SCNN1A: variants seen among roughly 807,000 people sequenced by gnomAD.
SCNN1A encodes the protein epithelial sodium channel subunit alpha.
In SCNN1A, 65 loss-of-function variants were observed where a neutral mutation model predicts 68.6. The ratio of observed to expected loss-of-function variants is 0.95; its 90% CI spans 0.78 to 1.16. SCNN1A has a LOEUF of 1.16. SCNN1A is among the 50% of genes most tolerant of loss of function. The pLI is 0.00. For missense variants in SCNN1A, 880 were observed against 865.9 expected, an observed-to-expected ratio of 1.02 and a Z score of -0.20; for synonymous variants, 357 against 353.3, an observed-to-expected ratio of 1.01 and a Z score of -0.12.
upstream of SCNN1A, chr12:6,376,270 C>G (rs3759323): frequency 2.4e-6 from 2 of 837,310 alleles, no homozygotes; most frequent in Non-Finnish European, 2.9e-6. Context: ...CCAACCTTGT[C>G]CAGACCCGGG....
At position 6,348,017 on chromosome 12, in the gene SCNN1A, C is replaced by T. The variant is rs772108915; in HGVS notation, c.1866G>A (p.Met622Ile). 1.1e-5 allele frequency: 18 copies of T among 1,595,560 alleles called. No homozygotes were observed. Among genetic ancestry groups the T allele is most frequent in the African/African-American group, 5.4e-5 (4 of 74,364 alleles). The change falls in exon 13 of 13, where the codon ATG becomes ATA. Residue 622 changes from methionine to isoleucine, a missense_variant. By Grantham distance (10) the Met-to-Ile change is conservative. This residue lies in a region of SCNN1A where 758 missense variants were observed against 721.8 expected (regional missense o/e 1.05). Coordinates refer to ENST00000228916, the MANE Select transcript of SCNN1A (RefSeq NM_001038.6). ...GGCCTGGCTGGGACAAGGACAGAGA[C>T]ATGGGGTGGGGGCAGAAGTGGGAAG... ...SPPSHFCPHP[M>I]SLSLSQPGPA...
chr12:6,363,847 G>T, intron 2 of SCNN1A, 137 bp from the exon 3 acceptor site: 1 of 734,256 alleles, frequency 1.4e-6, no homozygotes, highest in Non-Finnish European at 2.1e-6. Flanking sequence ...GGGTCGTCGT[G>T]GCGCCTCCTG....
intron 3 of SCNN1A, 98 bp downstream of exon 3, chr12:6,363,345 G>T: frequency 2.7e-6 from 3 of 1,101,264 alleles, no homozygotes; most frequent in South Asian, 3.8e-5. Context: ...GTGTCACTGG[G>T]CTGCGCGGGC....
At chr12:6,349,747 G>C (rs79074228) in intron 8 of SCNN1A, 1 of 257,406 alleles carries the variant, frequency 3.9e-6, no homozygotes, top group Admixed American at 4.9e-5. Context: ...TTTTTTTTTA[G>C]ACGGAGTTTC....
chr12:6,350,237 C>T (rs1948358148), intron 8 of SCNN1A, among the ~76,000 whole-genome samples: 1 of 146,280 alleles, frequency 6.8e-6, no homozygotes, highest in African/African-American at 2.5e-5. Flanking sequence ...TCGAGACCAT[C>T]CTGGCTAACA....
rs1213282712 is a variant in SCNN1A at position 6,349,241 on chromosome 12, C to G, written c.1440-20G>C. On this transcript the variant is annotated intron_variant, in intron 9 of 12. Coordinates refer to ENST00000228916, the MANE Select transcript of SCNN1A (RefSeq NM_001038.6). ...GTCACGCTGGGGATGGAGAAAGGTG[C>G]TCAGTGTTGGGGCAGAGCTCTCCCA... is the stretch of plus-strand genomic sequence containing the variant. 4 of 1,614,062 alleles carry G rather than the reference C, an allele frequency of 2.5e-6. No homozygotes were observed.
chr12:6,349,755 T>C (rs1022520860), intron 8 of SCNN1A: 7 of 256,758 alleles, frequency 2.7e-5, no homozygotes, highest in Admixed American at 4.9e-5. Context: ...TAGACGGAGT[T>C]TCGCTCTGTT....
chr12:6,364,791 G>A (rs907731742), intron 2 of SCNN1A, among the ~76,000 whole-genome samples: 9 of 151,740 alleles, frequency 5.9e-5, no homozygotes, highest in African/African-American at 1.9e-4. Flanking sequence ...TTGCATTTCC[G>A]TCTCAAAAAG....
At chr12:6,350,304 C>T (rs1592061191) in intron 8 of SCNN1A, among the ~76,000 whole-genome samples, 1 of 151,034 alleles carries the variant, frequency 6.6e-6, no homozygotes, top group South Asian at 2.1e-4. Context: ...TGGTGGCGGG[C>T]GCCTGTAGTC....
At chr12:6,350,075 CA>C in intron 8 of SCNN1A, 1 of 166,320 alleles carries the variant, frequency 6.0e-6, no homozygotes, top group South Asian at 1.2e-4. Context: ...AGGCGAAAAA[CA>C]AAACAGGATA....
At chr12:6,353,013 C>T (rs1948415817) in intron 8 of SCNN1A, among the ~76,000 whole-genome samples, 1 of 152,230 alleles carries the variant, frequency 6.6e-6, no homozygotes, top group South Asian at 2.1e-4. Flanking sequence ...AACAGGCCAG[C>T]TGTGCCAGGG....
intron 2 of SCNN1A, among the ~76,000 whole-genome samples, chr12:6,367,644 G>A (rs1948702906): frequency 6.6e-6 from 1 of 152,220 alleles, no homozygotes; most frequent in Admixed American, 6.5e-5. Flanking sequence ...TGGAAAGGGG[G>A]CACCGGGTAA....
At chr12:6,352,586 T>C (rs1442731507) in intron 8 of SCNN1A, among the ~76,000 whole-genome samples, 2 of 152,158 alleles carry the variant, frequency 1.3e-5, no homozygotes, top group Non-Finnish European at 2.9e-5. Context: ...AAATCACAGG[T>C]GGCATCTCCT....
rs1011154781 is a variant in SCNN1A, at chr12:6,354,337, G to A, written c.1360+101C>T. The A allele has an allele frequency of 1.4e-4, 110 of 791,308 alleles. 1 individual carries two copies. Among genetic ancestry groups the A allele is most frequent in the Non-Finnish European group, 2.2e-4 (96 of 437,566 alleles). 49.0% of individuals were successfully genotyped at this position (791,308 alleles called of 1,614,324 possible). ...AAGGAAGGATTCATCCCAGCAGGTGGGAGCCAGAAGTCATCCCCACAAACA... is the reference window on the plus strand; with the variant it reads ...AAGGAAGGATTCATCCCAGCAGGTGAGAGCCAGAAGTCATCCCCACAAACA... On this transcript the variant is annotated intron_variant, in intron 8 of 12. Transcript: ENST00000228916.
At chr12:6,354,249 A>G (rs1012844524) in intron 8 of SCNN1A, among the ~76,000 whole-genome samples, 189 bp downstream of exon 8, 1 of 152,032 alleles carries the variant, frequency 6.6e-6, no homozygotes, top group African/African-American at 2.4e-5. Context: ...AGAAAAAAAG[A>G]GAGAGAGACT....
chr12:6,369,165 T>C (rs1161259159), intron 2 of SCNN1A, among the ~76,000 whole-genome samples: 1 of 151,906 alleles, frequency 6.6e-6, no homozygotes, highest in Non-Finnish European at 1.5e-5. Context: ...CTCTCTCTCA[T>C]CACCAACTTC....
intron 2 of SCNN1A, among the ~76,000 whole-genome samples, chr12:6,369,088 C>G (rs1948730807): frequency 6.6e-6 from 1 of 152,136 alleles, no homozygotes; most frequent in African/African-American, 2.4e-5. Context: ...CCACCACATC[C>G]TGGCTGGGCC....
chr12:6,376,278 G>C, upstream of SCNN1A: 2 of 734,270 alleles, frequency 2.7e-6, no homozygotes, highest in Non-Finnish European at 3.3e-6. Flanking sequence ...GTCCAGACCC[G>C]GGAGGGGCCC....
chr12:6,356,683 A>G (rs547635234), intron 4 of SCNN1A, among the ~76,000 whole-genome samples: 2 of 152,350 alleles, frequency 1.3e-5, no homozygotes, highest in African/African-American at 4.8e-5. Flanking sequence ...GCAATTTCAC[A>G]GCAAATCACA....
Sources: gnomAD v4.1 joint callset for allele counts (sites outside exome capture counted in the v4.1 genomes callset) on GRCh38, gnomAD v4.1.1 for gene constraint, gnomAD v4.1.1 regional missense constraint, MANE v1.5 for transcripts, NCBI Gene and HGNC (gene_info 2026-07-23, HGNC 2026-07-21) for gene names.